STAP1: variants seen among roughly 807,000 people sequenced by gnomAD.
STAP1 encodes signal transducing adaptor family member 1.
A neutral mutation model predicts 37.8 loss-of-function variants in STAP1; 30 were observed. The observed-to-expected ratio is 0.79, with a 90% confidence interval of 0.59 to 1.08. The LOEUF (loss-of-function observed/expected upper bound fraction) is 1.08, where lower values mean the gene tolerates loss of function less well. Ranked by LOEUF, STAP1 falls within the 50% of genes least tolerant of loss-of-function variation. STAP1 has a pLI of 0.00. For missense variants in STAP1, 357 were observed against 349.4 expected (o/e 1.02, Z -0.17); for synonymous variants, 130 against 116.0 (o/e 1.12, Z -0.78).
intron 8 of STAP1, among the ~76,000 whole-genome samples, chr4:67,602,745 G>C (rs1354254091): frequency 6.6e-6 from 1 of 152,132 alleles, no homozygotes; most frequent in Non-Finnish European, 1.5e-5. Flanking sequence ...CTGTGTGTGT[G>C]TGCTGAGCTG....
Position 67,593,280 on chromosome 4 carries a change from C to T in STAP1, c.750C>T (p.Phe250=). ...LEKPVTLPNL[F]SVIDYFVKET... is the part of the protein sequence containing the mutation. ...TACAGGTAACACTCCCAAACCTTTT[C>T]AGTGTCATTGATTATTTTGTGAAGG... Residue 250 remains phenylalanine (F), a synonymous_variant, in exon 8 of 9, where the codon TTC becomes TTT. Transcript: ENST00000265404. 3 of 1,613,122 alleles carry T rather than the reference C, an allele frequency of 1.9e-6. No homozygotes were observed. Among genetic ancestry groups the T allele is most frequent in the Middle Eastern group, 1.7e-4 (1 of 6,046 alleles).
intron 4 of STAP1, among the ~76,000 whole-genome samples, chr4:67,580,150 G>A (rs922245247): frequency 2.6e-5 from 4 of 152,126 alleles, no homozygotes; most frequent in South Asian, 4.1e-4. Context: ...GAGCCACTGC[G>A]CCCTCCCGTA....
chr4:67,577,288 C>CTT (rs751401553), intron 4 of STAP1, 29 bp downstream of exon 4: 79 of 1,254,036 alleles, frequency 6.3e-5, no homozygotes, highest in Middle Eastern at 2.1e-4. Context: ...TTGATTGATT[C>CTT]TTTTTTTTTT....
At chr4:67,562,984 A>C (rs1412886004) in intron 1 of STAP1, among the ~76,000 whole-genome samples, 1 of 152,174 alleles carries the variant, frequency 6.6e-6, no homozygotes, top group Non-Finnish European at 1.5e-5. Flanking sequence ...ACTATACAAC[A>C]TTCTTCCTTA....
chr4:67,590,455 G>A (rs1728094825), intron 6 of STAP1, among the ~76,000 whole-genome samples: 1 of 152,102 alleles, frequency 6.6e-6, no homozygotes, highest in African/African-American at 2.4e-5. Flanking sequence ...ACAATGTAGG[G>A]TAGAAAGCAA....
At chr4:67,592,035 T>C (rs181784112) in intron 7 of STAP1, among the ~76,000 whole-genome samples, 38 of 152,296 alleles carry the variant, frequency 2.5e-4, no homozygotes, top group African/African-American at 7.9e-4. Context: ...CAGTCTACAG[T>C]GTAAGGAAAA....
chr4:67,577,283 T>C, intron 4 of STAP1, 24 bp downstream of exon 4: 1 of 1,588,800 alleles, frequency 6.3e-7, no homozygotes, highest in East Asian at 2.2e-5. Context: ...TGCTTTTGAT[T>C]GATTCTTTTT....
chr4:67,593,647 G>A (rs1345166547), intron 8 of STAP1, among the ~76,000 whole-genome samples: 2 of 152,022 alleles, frequency 1.3e-5, no homozygotes, highest in Non-Finnish European at 2.9e-5. Context: ...CAAATTCAGA[G>A]GTAAGAGGAA....
chr4:67,595,431 C>T (rs1728204777), intron 8 of STAP1, among the ~76,000 whole-genome samples: 1 of 149,796 alleles, frequency 6.7e-6, no homozygotes. Context: ...TGCCTGTAGT[C>T]CTAGCTACTT....
At chr4:67,574,038 G>A (rs188542660) in intron 2 of STAP1, among the ~76,000 whole-genome samples, 333 of 152,154 alleles carry the variant, frequency 2.2e-3, no homozygotes, top group Non-Finnish European at 3.4e-3. Flanking sequence ...GGATAGGATA[G>A]GAATTTCTTA....
chr4:67,582,625 T>C (rs1321523097), intron 5 of STAP1, among the ~76,000 whole-genome samples: 1 of 110,264 alleles, frequency 9.1e-6, no homozygotes, highest in Non-Finnish European at 2.2e-5. Flanking sequence ...AGATTTTTTC[T>C]ATTAGTTTTT....
At chr4:67,561,558 G>A (rs950264493) in intron 1 of STAP1, among the ~76,000 whole-genome samples, 4 of 152,096 alleles carry the variant, frequency 2.6e-5, no homozygotes, top group Non-Finnish European at 4.4e-5. Flanking sequence ...ATTCTAGAAG[G>A]TTTCTAAATC....
chr4:67,566,557 G>A (rs899473377), intron 1 of STAP1, among the ~76,000 whole-genome samples: 28 of 152,306 alleles, frequency 1.8e-4, no homozygotes, highest in African/African-American at 6.5e-4. Flanking sequence ...GGTAGACTGA[G>A]CTGAGAGAGG....
intron 6 of STAP1, among the ~76,000 whole-genome samples, chr4:67,588,510 C>T (rs890859178): frequency 9.9e-5 from 15 of 151,922 alleles, no homozygotes; most frequent in Admixed American, 7.2e-4. Context: ...CCCGGGTTCA[C>T]GCCATTCTCC....
chr4:67,560,628 A>T (rs546023917), intron 1 of STAP1, among the ~76,000 whole-genome samples: 2 of 133,378 alleles, frequency 1.5e-5, no homozygotes, highest in South Asian at 4.8e-4. Context: ...ATAGTAAAGT[A>T]TCTTTGTGTG....
Position 67,571,108 on chromosome 4 carries a change from T to C in STAP1, c.145T>C (p.Leu49=). The C allele has an allele frequency of 6.2e-7, 1 of 1,611,586 alleles. No individual in the cohort carries two copies. Among genetic ancestry groups the C allele is most frequent in the Non-Finnish European group, 8.5e-7 (1 of 1,177,960 alleles). Residue 49 remains leucine (L), a synonymous_variant, in exon 2 of 9, where the codon TTG becomes CTG. Coordinates refer to ENST00000265404, the MANE Select transcript of STAP1 (RefSeq NM_012108.4). ...GGAGTATGAGCATTACTGGACAGAG[T>C]TGAGAGGAACTACTCTTTTCTTTTA... is the stretch of plus-strand genomic sequence containing the variant. The part of the protein sequence containing the change: ...YREYEHYWTE[L]RGTTLFFYTD...
chr4:67,559,937 A>T (rs1578018103), intron 1 of STAP1, among the ~76,000 whole-genome samples: 1 of 152,292 alleles, frequency 6.6e-6, no homozygotes, highest in East Asian at 1.9e-4. Context: ...TCTGTTATGG[A>T]TGTTAAACAT....
chr4:67,587,617 T>TA (rs747820874), intron 6 of STAP1, among the ~76,000 whole-genome samples: 3 of 152,124 alleles, frequency 2.0e-5, no homozygotes, highest in Non-Finnish European at 4.4e-5. Context: ...AAGGAAGCAG[T>TA]AGGAAATATT....
chr4:67,563,944 A>G (rs1727408206), intron 1 of STAP1, among the ~76,000 whole-genome samples: 1 of 152,222 alleles, frequency 6.6e-6, no homozygotes, highest in Non-Finnish European at 1.5e-5. Context: ...ATTGTTAAAA[A>G]AAAAAAAAAA....
Sources: allele counts gnomAD v4.1 joint callset (sites outside exome capture counted in the v4.1 genomes callset), GRCh38; gene constraint gnomAD v4.1.1; transcripts MANE v1.5; gene names NCBI Gene and HGNC (gene_info 2026-07-23, HGNC 2026-07-21).